CRACD: variants seen among roughly 807,000 people sequenced by gnomAD.
CRACD encodes capping protein inhibiting regulator of actin dynamics.
CRACD carries 56 observed loss-of-function variants against 106.8 expected under a neutral mutation model. That is an observed-to-expected ratio of 0.52 (90% CI 0.42 to 0.66). The LOEUF (loss-of-function observed/expected upper bound fraction) is 0.66. CRACD is among the 30% of genes least tolerant of loss of function. The probability of loss-of-function intolerance (pLI) is 0.00; values close to 1 mark genes in which losing one functional copy is unlikely to be tolerated. For missense variants in CRACD, 1,730 were observed against 1,623.2 expected (o/e 1.07, Z -1.13); for synonymous variants, 754 against 670.8 (o/e 1.12, Z -1.92).
intron 1 of CRACD, among the ~76,000 whole-genome samples, chr4:56,088,916 G>A (rs1487613448): frequency 2.6e-5 from 4 of 152,190 alleles, no homozygotes; most frequent in East Asian, 1.9e-4. Context: ...GGTAGAGACA[G>A]GTTTCGCCAT....
chr4:56,170,712 G>A (rs1457814435), intron 1 of CRACD, among the ~76,000 whole-genome samples: 14 of 152,088 alleles, frequency 9.2e-5, no homozygotes, highest in Admixed American at 5.9e-4. Context: ...ATGGTGGTGT[G>A]TGCCTGTAGT....
chr4:56,300,813 T>G (rs1744325192), intron 4 of CRACD, among the ~76,000 whole-genome samples: 1 of 152,164 alleles, frequency 6.6e-6, no homozygotes, highest in Non-Finnish European at 1.5e-5. Flanking sequence ...ACTATATAAT[T>G]CTGCAGTATT....
intron 1 of CRACD, among the ~76,000 whole-genome samples, chr4:56,050,713 A>G (rs2702332): frequency 0.41 from 62,520 of 152,042 alleles, 15,067 homozygotes; most frequent in African/African-American, 0.68. Context: ...TTTGAAAAAT[A>G]TAATATGGTT....
intron 1 of CRACD, among the ~76,000 whole-genome samples, chr4:56,061,270 A>T (rs971124751): frequency 6.6e-6 from 1 of 152,154 alleles, no homozygotes; most frequent in African/African-American, 2.4e-5. Flanking sequence ...TCCGGGGCTC[A>T]AAGGATCCTC....
At chr4:56,167,416 G>A (rs760332528) in intron 1 of CRACD, among the ~76,000 whole-genome samples, 2 of 152,164 alleles carry the variant, frequency 1.3e-5, no homozygotes, top group Non-Finnish European at 2.9e-5. Context: ...TGTATACAAT[G>A]TGGCATGATT....
intron 1 of CRACD, 27 bp from the exon 2 acceptor site, chr4:56,179,257 C>T (rs1736712640): frequency 6.7e-6 from 1 of 149,284 alleles, no homozygotes; most frequent in Non-Finnish European, 1.5e-5. Context: ...ACATAAAGTT[C>T]TTAATGTTTT....
At position 56,330,543 on chromosome 4, in the gene CRACD, T is replaced by C. The variant is rs1461570134; in HGVS notation, c.*2739T>C. 6.6e-6 allele frequency among the ~76,000 whole-genome samples: 1 copy of C among 152,220 alleles called. No individual in the cohort carries two copies. The highest frequency in any genetic ancestry group is 2.4e-5 in the African/African-American group (1 of 41,466). On this transcript the variant is annotated 3_prime_UTR_variant, in exon 11 of 11. Transcript: ENST00000682029. ...ATATAATTTGCATATTTTAGTTGTA[T>C]AAAGTTTTAATGTAAAATGTCCATT...
In CRACD at chr4:56,222,009, T is replaced by C. The variant is rs543218502; in HGVS notation, c.-189+42579T>C. 5.3e-5 allele frequency among the ~76,000 whole-genome samples: 8 copies of C among 152,312 alleles called. No individual in the cohort carries two copies. In the South Asian group the frequency reaches 1.7e-3, roughly 32 times the overall value. On this transcript the variant is annotated intron_variant, in intron 2 of 10. Transcript: ENST00000682029. The stretch of plus-strand genomic sequence containing the variant: ...TTGTTTAAAGAACTAAAAGTAGATA[T>C]ACCATTCAACCCAGCAATCCCACTA...
chr4:56,083,562 G>A (rs866099255), intron 1 of CRACD, among the ~76,000 whole-genome samples: 1 of 151,734 alleles, frequency 6.6e-6, no homozygotes, highest in African/African-American at 2.4e-5. Context: ...GTCATAAATA[G>A]GCTCTATTTA....
At chr4:56,083,403 A>C (rs1276341371) in intron 1 of CRACD, among the ~76,000 whole-genome samples, 1 of 152,214 alleles carries the variant, frequency 6.6e-6, no homozygotes, top group African/African-American at 2.4e-5. Flanking sequence ...CTCCTAAATG[A>C]AAACAGTGAG....
chr4:56,255,133 A>AAAT (rs60416477), intron 2 of CRACD, among the ~76,000 whole-genome samples: 10,566 of 138,636 alleles, frequency 0.076, 1,382 homozygotes, highest in East Asian at 0.57. Context: ...AAAAAAAAAA[A>AAAT]ACTAAAAATT....
intron 2 of CRACD, among the ~76,000 whole-genome samples, chr4:56,198,354 T>G (rs560764119): frequency 1.3e-5 from 2 of 152,210 alleles, no homozygotes; most frequent in African/African-American, 4.8e-5. Flanking sequence ...GTCTTTGAAG[T>G]TGGCTCTAGC....
intron 1 of CRACD, among the ~76,000 whole-genome samples, chr4:56,080,362 C>T (rs1227348407): frequency 6.6e-6 from 1 of 152,118 alleles, no homozygotes; most frequent in Non-Finnish European, 1.5e-5. Context: ...AATTTGATGT[C>T]CATAAACCAT....
At chr4:56,085,823 A>T (rs190850789) in intron 1 of CRACD, among the ~76,000 whole-genome samples, 5 of 152,180 alleles carry the variant, frequency 3.3e-5, no homozygotes, top group East Asian at 3.8e-4. Context: ...ACTCTGATCA[A>T]TGTTCTGAGG....
chr4:56,212,142 G>A (rs1006960925), intron 2 of CRACD, among the ~76,000 whole-genome samples: 1 of 152,174 alleles, frequency 6.6e-6, no homozygotes, highest in Non-Finnish European at 1.5e-5. Flanking sequence ...ATGGCGATGA[G>A]AGTCACTTCT....
chr4:56,236,821 C>T (rs1307929011), intron 2 of CRACD, among the ~76,000 whole-genome samples: 2 of 151,118 alleles, frequency 1.3e-5, no homozygotes, highest in East Asian at 1.9e-4. Flanking sequence ...ATATTTGCAA[C>T]GTATTACAAA....
intron 2 of CRACD, among the ~76,000 whole-genome samples, chr4:56,244,313 A>T (rs2109570302): frequency 6.6e-6 from 1 of 152,250 alleles, no homozygotes; most frequent in Middle Eastern, 3.4e-3. Flanking sequence ...CAATGATGTT[A>T]TGGGCCTGAT....
intron 1 of CRACD, among the ~76,000 whole-genome samples, chr4:56,137,083 G>C (rs1215583196): frequency 2.6e-5 from 4 of 152,088 alleles, no homozygotes; most frequent in Non-Finnish European, 5.9e-5. Context: ...CTGTAGGTCT[G>C]TCTTTACACC....
At chr4:56,320,579 A>G (rs1479627059) in intron 8 of CRACD, 1 of 152,216 alleles carries the variant, frequency 6.6e-6, no homozygotes, top group Admixed American at 6.5e-5. Context: ...ACGGATAGGT[A>G]GGTAGTCTTG....
Sources: allele counts gnomAD v4.1 joint callset (sites outside exome capture counted in the v4.1 genomes callset), GRCh38; gene constraint gnomAD v4.1.1; transcripts MANE v1.5; gene names NCBI Gene and HGNC (gene_info 2026-07-23, HGNC 2026-07-21).